Variants in TECTA observed in about 807,000 individuals in gnomAD.
TECTA encodes tectorin alpha.
Under a neutral mutation model 216.8 loss-of-function variants are expected in TECTA, and 128 were observed. The ratio of observed to expected loss-of-function variants is 0.59; its 90% confidence interval spans 0.51 to 0.68. The LOEUF (loss-of-function observed/expected upper bound fraction) is 0.68, where lower values mean the gene tolerates loss of function less well. Ranked by LOEUF, TECTA falls within the 30% of genes least tolerant of loss-of-function variation. The probability of loss-of-function intolerance (pLI) is 0.00; values close to 1 mark genes in which losing one functional copy is unlikely to be tolerated. For missense variants in TECTA, 2,551 were observed against 2,786.2 expected (o/e 0.92, Z 1.90); for synonymous variants, 1,089 against 1,117.1 (o/e 0.97, Z 0.50).
chr11:121,104,700 G>C (rs1946375605), intron 2 of TECTA, among the ~76,000 whole-genome samples: 3 of 151,934 alleles, frequency 2.0e-5, no homozygotes, highest in African/African-American at 7.3e-5. Flanking sequence ...CCAGCCTATT[G>C]CTTCCATCAG....
At chr11:121,109,733 A>C in intron 4 of TECTA, 1 of 529,662 alleles carries the variant, frequency 1.9e-6, no homozygotes, top group Non-Finnish European at 3.3e-6. Flanking sequence ...ATCATCACTA[A>C]TGCCTAAAAA....
chr11:121,141,517 T>TG (rs1448859834), intron 11 of TECTA, among the ~76,000 whole-genome samples: 1 of 152,174 alleles, frequency 6.6e-6, no homozygotes, highest in Non-Finnish European at 1.5e-5. Context: ...GGGGGTGAGC[T>TG]GCAGAAGGTG....
intron 20 of TECTA, among the ~76,000 whole-genome samples, chr11:121,186,108 AAAG>A (rs1407903892): frequency 8.6e-6 from 1 of 115,818 alleles, no homozygotes; most frequent in Admixed American, 8.2e-5. Context: ...ATGAGTAGGG[AAAG>A]AAGATGTTCA....
chr11:121,189,825 G>A lies in TECTA; in HGVS notation c.6312G>A (p.Gly2104=), dbSNP rs561747692. 12 of 1,613,908 alleles carry A rather than the reference G, an allele frequency of 7.4e-6. No homozygotes were observed. In the East Asian group the frequency reaches 2.5e-4, roughly 33 times the overall value. ...CEQICTSRVD[G]PLCSCVTGTL... ...AGATTTGCACGAGCCGGGTGGATGG[G>A]CCTCTCTGCAGCTGTGTAACAGGAA... The change falls in exon 23 of 24, where the codon GGG becomes GGA. Residue 2104 remains glycine (G), a synonymous_variant. Transcript: ENST00000392793.
intron 20 of TECTA, among the ~76,000 whole-genome samples, chr11:121,176,780 G>A (rs1181315661): frequency 6.6e-6 from 1 of 151,860 alleles, no homozygotes; most frequent in East Asian, 1.9e-4. Flanking sequence ...TTTCCAACTT[G>A]GTTCCATTCT....
Position 121,166,566 on chromosome 11 carries a change from CTG to C in TECTA, c.5384-10_5384-9del. On this transcript the variant is annotated splice_polypyrimidine_tract_variant and intron_variant, in intron 17 of 23. Transcript: ENST00000392793. ...TCCACTGATTTGCCTTTCGTAATAA[CTG>C]TTCCCACAGACTCACATGACATTAT... 1 of 1,614,064 alleles carries C rather than the reference CTG, an allele frequency of 6.2e-7. No individual in the cohort carries two copies. The highest frequency in any genetic ancestry group is 8.5e-7 in the Non-Finnish European group (1 of 1,179,954).
intron 7 of TECTA, among the ~76,000 whole-genome samples, chr11:121,120,784 TTC>T: frequency 6.6e-6 from 1 of 152,388 alleles, no homozygotes; most frequent in African/African-American, 2.4e-5. Flanking sequence ...GTTCTCATCT[TTC>T]TTCCCCGCGT....
rs779286225 is a variant in TECTA at position 121,145,591 on chromosome 11, G to C, written c.3580G>C (p.Gly1194Arg). 3 of 1,614,168 alleles carry C rather than the reference G, an allele frequency of 1.9e-6. No homozygotes were observed. Among genetic ancestry groups the C allele is most frequent in the Non-Finnish European group, 2.5e-6 (3 of 1,180,024 alleles). Residue 1194 changes from glycine (G) to arginine (R), a missense_variant, in exon 12 of 24, where the codon GGG (glycine) becomes CGG (arginine). By Grantham distance (125) the Gly-to-Arg change is moderately radical. Coordinates refer to ENST00000392793, the MANE Select transcript of TECTA (RefSeq NM_005422.4). ...ACGGCTCTATCTGCCCCTGAAGCTG[G>C]GGCAAGGGAAGATAAATATCTTTTC... is the stretch of plus-strand genomic sequence containing the variant. ...SERLYLPLKL[G>R]QGKINIFSFG...
chr11:121,102,595 A>G, intron 1 of TECTA, 70 bp from the exon 2 acceptor site: 2 of 1,220,956 alleles, frequency 1.6e-6, no homozygotes, highest in Non-Finnish European at 1.2e-6. Flanking sequence ...TTAGCCACTA[A>G]ACACACCTGG....
chr11:121,162,868 G>A (rs118155855), intron 16 of TECTA, among the ~76,000 whole-genome samples: 1 of 152,148 alleles, frequency 6.6e-6, no homozygotes, highest in South Asian at 2.1e-4. Flanking sequence ...AGATCAGCTG[G>A]TAAAATAAAG....
intron 6 of TECTA, among the ~76,000 whole-genome samples, chr11:121,117,090 T>C (rs1218697902): frequency 6.6e-6 from 1 of 152,210 alleles, no homozygotes; most frequent in Non-Finnish European, 1.5e-5. Flanking sequence ...TGCTATTCAC[T>C]CGATAGTCAG....
chr11:121,188,117 G>A, intron 21 of TECTA, 123 bp downstream of exon 21: 2 of 1,027,508 alleles, frequency 1.9e-6, no homozygotes, highest in South Asian at 2.9e-5. Flanking sequence ...GGGGTGGACA[G>A]TCATCTTTGA....
At chr11:121,132,711 T>C (rs934127151) in intron 10 of TECTA, among the ~76,000 whole-genome samples, 2 of 152,156 alleles carry the variant, frequency 1.3e-5, no homozygotes, top group Non-Finnish European at 2.9e-5. Context: ...CGCAGAGTTT[T>C]CTAGTTTTCC....
chr11:121,182,132 A>T (rs1231705026), intron 20 of TECTA, among the ~76,000 whole-genome samples: 1 of 152,056 alleles, frequency 6.6e-6, no homozygotes, highest in Non-Finnish European at 1.5e-5. Flanking sequence ...CAGGCTAGGC[A>T]TGCCAGCTTT....
chr11:121,125,404 T>C lies in TECTA; in HGVS notation c.1306T>C (p.Leu436=), dbSNP rs114848608. 1 of 1,614,252 alleles carries C rather than the reference T, an allele frequency of 6.2e-7. No homozygotes were observed. Among genetic ancestry groups the C allele is most frequent in the African/African-American group, 1.3e-5 (1 of 75,068 alleles). Residue 436 remains leucine, a synonymous_variant, in exon 8 of 24, where the codon TTA becomes CTA. Coordinates refer to ENST00000392793, the MANE Select transcript of TECTA (RefSeq NM_005422.4). ...TGCCGTGGAAACAGATTTTGGGCTC[T>C]TAGTGACTTTTGATGGCCAGCACTA... ...STAVETDFGL[L]VTFDGQHYAS...
intron 20 of TECTA, among the ~76,000 whole-genome samples, chr11:121,179,457 G>A (rs1708399995): frequency 1.3e-5 from 2 of 151,972 alleles, no homozygotes; most frequent in Non-Finnish European, 2.9e-5. Context: ...CCTAACATAC[G>A]GTCTATCTTG....
At chr11:121,126,218 G>C (rs532151331) in intron 8 of TECTA, among the ~76,000 whole-genome samples, 5 of 152,320 alleles carry the variant, frequency 3.3e-5, no homozygotes, top group African/African-American at 1.2e-4. Flanking sequence ...AGTTAATGCA[G>C]CTGTGGGCCT....
intron 13 of TECTA, among the ~76,000 whole-genome samples, chr11:121,154,493 A>G (rs1398992267): frequency 6.6e-6 from 1 of 152,322 alleles, no homozygotes; most frequent in African/African-American, 2.4e-5. Flanking sequence ...AATTGAGGAG[A>G]AGATATAACC....
chr11:121,160,061 C>T, intron 14 of TECTA, 74 bp from the exon 15 acceptor site: 2 of 1,595,254 alleles, frequency 1.3e-6, no homozygotes, highest in Non-Finnish European at 1.7e-6. Context: ...AAATATTTTC[C>T]CTGGCCCTTT....
Sources: allele counts gnomAD v4.1 joint callset (sites outside exome capture counted in the v4.1 genomes callset), GRCh38; gene constraint gnomAD v4.1.1; transcripts MANE v1.5; gene names NCBI Gene and HGNC (gene_info 2026-07-23, HGNC 2026-07-21).